KDM6B: variants seen among roughly 807,000 people sequenced by gnomAD.
KDM6B encodes the protein lysine-specific demethylase 6B.
In KDM6B, 22 loss-of-function variants were observed where a neutral mutation model predicts 150.4. That is an observed-to-expected ratio of 0.15 (90% CI 0.10 to 0.21). The LOEUF is 0.21. Ranked by LOEUF, KDM6B falls within the 10% of genes least tolerant of loss-of-function variation. The pLI is 1.00. For synonymous variants in KDM6B, 1,148 were observed against 921.1 expected (o/e 1.25, Z -4.46); for missense variants, 1,984 against 2,234.3 (o/e 0.89, Z 2.26).
intron 2 of KDM6B, among the ~76,000 whole-genome samples, chr17:7,841,819 GA>G: frequency 6.6e-6 from 1 of 152,262 alleles, no homozygotes; most frequent in African/African-American, 2.4e-5. Flanking sequence ...GAAGGCTGGG[GA>G]AGGGAATCCC....
At chr17:7,836,917 C>G (rs1021453630) in intron 1 of KDM6B, among the ~76,000 whole-genome samples, 1 of 152,170 alleles carries the variant, frequency 6.6e-6, no homozygotes, top group Non-Finnish European at 1.5e-5. Flanking sequence ...GGCTTCCTCC[C>G]CCTTCTATTC....
chr17:7,853,745 C>G lies in KDM6B; in HGVS notation c.*224C>G, dbSNP rs2078753561. The G allele has an allele frequency of 3.1e-6, 1 of 321,104 alleles. No homozygotes were observed. Among genetic ancestry groups the G allele is most frequent in the South Asian group, 1.2e-4 (1 of 8,560 alleles). The allele number at this position is 321,104 out of a possible 1,614,324, so 19.9% of individuals were successfully genotyped here. A position where few individuals can be genotyped will look rare whatever the true frequency, so the allele number is the denominator to read the frequency against. ...AAAAAATGGGAGACGGGGGAGGGGG[C>G]TGGCAGCCCCTCGCCCACCAGCGCC... On this transcript the variant is annotated 3_prime_UTR_variant, in exon 24 of 24. Coordinates refer to ENST00000448097, the MANE Select transcript of KDM6B (RefSeq NM_001348716.2).
At position 7,845,954 on chromosome 17, in the gene KDM6B, C is replaced by T. The variant is rs1348783992; in HGVS notation, c.220C>T (p.Pro74Ser). 22 of 1,613,922 alleles carry T rather than the reference C, an allele frequency of 1.4e-5. No homozygotes were observed. Among genetic ancestry groups the T allele is most frequent in the Non-Finnish European group, 1.8e-5 (21 of 1,179,798 alleles). The change falls in exon 6 of 24, where the codon CCA (proline) becomes TCA (serine). Residue 74 changes from proline to serine, a missense_variant. Pro to Ser is a moderately conservative substitution (Grantham distance 74). Around this residue, in one of 13 missense-constraint regions of KDM6B, gnomAD observed 337 missense variants for 323.9 expected, o/e 1.04. Transcript: ENST00000448097. Reference protein sequence around the residue: ...HGSSSGHPSKPYYAPGAPTPR... With the variant: ...HGSSSGHPSKSYYAPGAPTPR... ...CAGTAGTTCTGGGCACCCCAGCAAA[C>T]CATATTATGCTCCAGGGTGAGTGGA...
chr17:7,849,077 G>A lies in KDM6B; in HGVS notation c.2789G>A (p.Arg930Gln), dbSNP rs144748295. The A allele has an allele frequency of 5.8e-5, 93 of 1,612,040 alleles. No homozygotes were observed. Among genetic ancestry groups the A allele is most frequent in the Non-Finnish European group, 6.3e-5 (74 of 1,179,820 alleles). ...ACETLVERVG[R>Q]SATDPADPVD... Reference sequence around the variant, plus strand: ...GAGACCCTTGTGGAGCGGGTGGGCCGGAGTGCCACTGACCCAGCCGACCCA... The same window carrying A: ...GAGACCCTTGTGGAGCGGGTGGGCCAGAGTGCCACTGACCCAGCCGACCCA... Residue 930 changes from arginine (R) to glutamine (Q), a missense_variant, in exon 12 of 24, where the codon CGG (arginine) becomes CAG (glutamine). Arg to Gln is a conservative substitution (Grantham distance 43, BLOSUM62 1). Coordinates refer to ENST00000448097, the MANE Select transcript of KDM6B (RefSeq NM_001348716.2).
Position 7,846,198 on chromosome 17 carries a change from A to G in KDM6B, c.357A>G (p.Ser119=). ...AACAGCTTGGGCAACTGTACGAGTC[A>G]GAGCACGATAGTGAGGAGGCCACAC... ...LWEQLGQLYE[S]EHDSEEATRC... is the part of the protein sequence containing the mutation. The change falls in exon 7 of 24, where the codon TCA becomes TCG. Residue 119 remains serine (S), a synonymous_variant. Transcript: ENST00000448097. 6.2e-7 allele frequency: 1 copy of G among 1,614,164 alleles called. No individual in the cohort carries two copies. Among genetic ancestry groups the G allele is most frequent in the Non-Finnish European group, 8.5e-7 (1 of 1,180,020 alleles).
At position 7,852,377 on chromosome 17, in the gene KDM6B, A is replaced by G. The variant is rs766444552; in HGVS notation, c.4468+41A>G. The G allele has an allele frequency of 8.1e-6, 13 of 1,595,846 alleles. No individual in the cohort carries two copies. In the South Asian group the frequency reaches 1.2e-4, roughly 15 times the overall value. ...AGGTGTTGGCGTGGTGTGGCGCCTC[A>G]GCGGCAAGGGCCTGGGAGGCTGGGG... On this transcript the variant is annotated intron_variant, in intron 20 of 23. Coordinates refer to ENST00000448097, the MANE Select transcript of KDM6B (RefSeq NM_001348716.2).
At chr17:7,839,197 G>A (rs2151369206) in intron 1 of KDM6B, among the ~76,000 whole-genome samples, 1 of 152,310 alleles carries the variant, frequency 6.6e-6, no homozygotes, top group South Asian at 2.1e-4. Context: ...AAAAGACCTA[G>A]CTTCTTGTCT....
Position 7,854,243 on chromosome 17 carries a change from CGCG to C in KDM6B, c.*725_*727del, listed in dbSNP as rs1207808186. On this transcript the variant is annotated 3_prime_UTR_variant, in exon 24 of 24. Transcript: ENST00000448097. ...GCCCGACCGTCTCCACCCGTCCGCC[CGCG>C]GCTCCAGCCGGGTTCTCATGGTGCT... The C allele has an allele frequency of 6.6e-6, 1 of 152,546 alleles. No homozygotes were observed. The highest frequency in any genetic ancestry group is 6.5e-5 in the Admixed American group (1 of 15,284). 9.4% of individuals were successfully genotyped at this position (152,546 alleles called of 1,614,324 possible).
chr17:7,852,150 C>T lies in KDM6B; in HGVS notation c.4282C>T (p.His1428Tyr). ...ACCTGACCTGTGGCCACCCCGCAGG[C>T]ACGGCGTGGACTACTTGACGGGTTC... ...WETISAFCDRHGVDYLTGSWW... is the reference protein window; with the variant it reads ...WETISAFCDRYGVDYLTGSWW... Residue 1428 changes from histidine to tyrosine, a missense_variant and splice_region_variant, in exon 20 of 24, where the codon CAC becomes TAC. This residue lies in a region of KDM6B where 19 missense variants were observed against 21.1 expected (regional missense o/e 0.90). Coordinates refer to ENST00000448097, the MANE Select transcript of KDM6B (RefSeq NM_001348716.2). 2 of 1,614,014 alleles carry T rather than the reference C, an allele frequency of 1.2e-6. No homozygotes were observed. The highest frequency in any genetic ancestry group is 1.7e-6 in the Non-Finnish European group (2 of 1,179,988).
chr17:7,847,963 G>T lies in KDM6B; in HGVS notation c.1675G>T (p.Gly559Cys). Residue 559 changes from glycine (G) to cysteine (C), a missense_variant, in exon 12 of 24, where the codon GGC becomes TGC. Physicochemically the swap from Gly to Cys is radical, Grantham distance 159. This residue lies in a region of KDM6B where 1,379 missense variants were observed against 1,275.6 expected (regional missense o/e 1.08). Transcript: ENST00000448097. ...PTTSSSNSNSGSHSSSPAGPV... is the reference protein window; with the variant it reads ...PTTSSSNSNSCSHSSSPAGPV... The stretch of plus-strand genomic sequence containing the variant: ...CACCAGCAGTAGCAACAGCAACAGT[G>T]GCAGCCACAGCAGCAGCCCTGCTGG... The T allele has an allele frequency of 1.9e-6, 3 of 1,609,838 alleles. No homozygotes were observed. Among genetic ancestry groups the T allele is most frequent in the Non-Finnish European group, 2.5e-6 (3 of 1,178,786 alleles).
rs1190999361 is a variant in KDM6B at position 7,845,729 on chromosome 17, T to C, written c.137+38T>C. 15 of 1,613,710 alleles carry C rather than the reference T, an allele frequency of 9.3e-6. No homozygotes were observed. The Admixed American group carries it at 2.5e-4, about 27-fold the overall frequency. On this transcript the variant is annotated intron_variant, in intron 5 of 23. Coordinates refer to ENST00000448097, the MANE Select transcript of KDM6B (RefSeq NM_001348716.2). ...GGCCCTCTGTCTCCAGGCACACCTC[T>C]TTCCATCTCTGTATCCCTCAATCTG...
At chr17:7,850,268 G>GA in intron 14 of KDM6B, 91 bp downstream of exon 14, 1 of 1,056,382 alleles carries the variant, frequency 9.5e-7, no homozygotes, top group South Asian at 1.4e-5. Context: ...GAAGACTCAT[G>GA]ACAGTGGCCG....
At chr17:7,851,439 C>T (rs749017571) in intron 16 of KDM6B, 39 bp from the exon 17 acceptor site, 17 of 1,614,146 alleles carry the variant, frequency 1.1e-5, no homozygotes, top group South Asian at 4.4e-5. Flanking sequence ...CCTTCCCCTC[C>T]CTCTGCTCTC....
intron 1 of KDM6B, among the ~76,000 whole-genome samples, chr17:7,835,364 G>A (rs772399626): frequency 9.2e-5 from 14 of 152,082 alleles, no homozygotes; most frequent in Non-Finnish European, 1.9e-4. Context: ...AAGGCCGAGG[G>A]CAGGACGCCT....
Position 7,845,507 on chromosome 17 carries a change from G to A in KDM6B, c.-5-43G>A, listed in dbSNP as rs2078512947. On this transcript the variant is annotated intron_variant, in intron 4 of 23. Transcript: ENST00000448097. Reference sequence around the variant, plus strand: ...GGCTGGATGTACACTGGCAGCTCTGGTTTTGCCTCCAGTAAGAGCATAATT... The same window carrying A: ...GGCTGGATGTACACTGGCAGCTCTGATTTTGCCTCCAGTAAGAGCATAATT... 3 of 1,613,166 alleles carry A rather than the reference G, an allele frequency of 1.9e-6. No individual in the cohort carries two copies. In the Admixed American group the frequency reaches 5.0e-5, roughly 27 times the overall value.
chr17:7,847,570 C>T lies in KDM6B; in HGVS notation c.1282C>T (p.Pro428Ser), dbSNP rs769456998. 5 of 1,613,352 alleles carry T rather than the reference C, an allele frequency of 3.1e-6. No individual in the cohort carries two copies. Among genetic ancestry groups the T allele is most frequent in the South Asian group, 2.2e-5 (2 of 91,074 alleles). The stretch of plus-strand genomic sequence containing the variant: ...GCCCGGCGCTGACCATTACCAAACT[C>T]CCGCGCTGGAGGTCTCTCACCATGG... ...GIPGADHYQT[P>S]ALEVSHHGRL... The change falls in exon 12 of 24, where the codon CCC (proline) becomes TCC (serine). Residue 428 changes from proline to serine, a missense_variant. Pro to Ser is a moderately conservative substitution (Grantham distance 74, BLOSUM62 -1). Around this residue, in one of 13 missense-constraint regions of KDM6B, gnomAD observed 1,379 missense variants for 1,275.6 expected, o/e 1.08. Coordinates refer to ENST00000448097, the MANE Select transcript of KDM6B (RefSeq NM_001348716.2).
Position 7,846,181 on chromosome 17 carries a change from G to A in KDM6B, c.340G>A (p.Gly114Arg). The stretch of plus-strand genomic sequence containing the variant: ...CCAGCCAGGGCTTTGGGAACAGCTT[G>A]GGCAACTGTACGAGTCAGAGCACGA... The part of the protein sequence containing the change: ...PAQPGLWEQL[G>R]QLYESEHDSE... The change falls in exon 7 of 24, where the codon GGG (glycine) becomes AGG (arginine). Residue 114 changes from glycine (G) to arginine (R), a missense_variant. Transcript: ENST00000448097. 1 of 1,614,106 alleles carries A rather than the reference G, an allele frequency of 6.2e-7. No individual in the cohort carries two copies.
In KDM6B at chr17:7,847,529, T is replaced by C. The variant is rs2270517; in HGVS notation, c.1258-17T>C. On this transcript the variant is annotated splice_polypyrimidine_tract_variant and intron_variant, in intron 11 of 23. Coordinates refer to ENST00000448097, the MANE Select transcript of KDM6B (RefSeq NM_001348716.2). ...CAGCCCGAGCAATGCTCCTACCACC[T>C]GCTTCTACACTTGCAGCCCGGCGCT... is the stretch of plus-strand genomic sequence containing the variant. 453,228 of 1,611,926 alleles carry C rather than the reference T, an allele frequency of 0.28. 78,292 individuals are homozygous for C. Among genetic ancestry groups the C allele is most frequent in the East Asian group, 0.85 (37,924 of 44,724 alleles).
chr17:7,851,009 C>G lies in KDM6B; in HGVS notation c.3674-12C>G. ...CCTCTGCCCCGACACCCTGCTCGGC[C>G]CTCCCTTCCAGACTTGGGCCTCTTC... On this transcript the variant is annotated splice_polypyrimidine_tract_variant and intron_variant, in intron 14 of 23. Coordinates refer to ENST00000448097, the MANE Select transcript of KDM6B (RefSeq NM_001348716.2). The G allele has an allele frequency of 6.3e-7, 1 of 1,592,268 alleles. No homozygotes were observed. Among genetic ancestry groups the G allele is most frequent in the Non-Finnish European group, 8.5e-7 (1 of 1,169,804 alleles).
Sources: gnomAD v4.1 joint callset for allele counts (sites outside exome capture counted in the v4.1 genomes callset) on GRCh38, gnomAD v4.1.1 for gene constraint, gnomAD v4.1.1 regional missense constraint, MANE v1.5 for transcripts, NCBI Gene and HGNC (gene_info 2026-07-23, HGNC 2026-07-21) for gene names.